The following ATP11A variants were observed in gnomAD, a reference collection of about 807,000 sequenced individuals.
ATP11A encodes the protein phospholipid-transporting ATPase IH.
ATP11A carries 81 observed loss-of-function variants against 154.4 expected under a neutral mutation model. The observed-to-expected ratio is 0.52, with a 90% CI of 0.44 to 0.63. ATP11A has a LOEUF of 0.63. Ranked by LOEUF, ATP11A falls within the 30% of genes least tolerant of loss-of-function variation. The probability of loss-of-function intolerance (pLI) is 0.00; values close to 1 mark genes in which losing one functional copy is unlikely to be tolerated. For missense variants in ATP11A, 1,316 were observed against 1,474.3 expected (o/e 0.89, Z 1.76); for synonymous variants, 623 against 585.9 (o/e 1.06, Z -0.91).
chr13:112,874,009 T>G (rs1337855148), intron 27 of ATP11A, among the ~76,000 whole-genome samples: 1 of 152,184 alleles, frequency 6.6e-6, no homozygotes, highest in Non-Finnish European at 1.5e-5. Context: ...GAAACAGTCA[T>G]TTGAAACCTG....
At chr13:112,723,461 G>T (rs917163854) in intron 1 of ATP11A, among the ~76,000 whole-genome samples, 2 of 148,774 alleles carry the variant, frequency 1.3e-5, no homozygotes, top group Non-Finnish European at 3.0e-5. Flanking sequence ...TAGTAGAGAC[G>T]GGGTTTCACA....
intron 1 of ATP11A, among the ~76,000 whole-genome samples, chr13:112,747,634 G>C (rs1227880599): frequency 6.6e-6 from 1 of 152,168 alleles, no homozygotes; most frequent in African/African-American, 2.4e-5. Flanking sequence ...TCAGGAGTTC[G>C]AGACCGGCCT....
Position 112,696,094 on chromosome 13 carries a change from C to G in ATP11A, c.39+5639C>G, listed in dbSNP as rs1314881543. Among the ~76,000 whole-genome samples the G allele has an allele frequency of 1.3e-5, 2 of 152,194 alleles. No homozygotes were observed. Among genetic ancestry groups the G allele is most frequent in the Non-Finnish European group, 2.9e-5 (2 of 68,042 alleles). On this transcript the variant is annotated intron_variant, in intron 1 of 29. Transcript: ENST00000375645. This position sits in a 1 kb window ranked among gnomAD's most constrained non-coding sequence, Gnocchi z 6.2. ...CGTGGCCTTGGCAAGTTGGTTGCCC[C>G]CTGTACGCTTGGTGCCCCATCTGCA... is the stretch of plus-strand genomic sequence containing the variant.
At chr13:112,692,834 G>C (rs1033074250) in intron 1 of ATP11A, among the ~76,000 whole-genome samples, 3 of 152,108 alleles carry the variant, frequency 2.0e-5, no homozygotes, top group Non-Finnish European at 4.4e-5. Context: ...TTGTAATTGC[G>C]TTATCGTCCA....
At chr13:112,775,950 T>C (rs1424888809) in intron 1 of ATP11A, among the ~76,000 whole-genome samples, 5 of 152,230 alleles carry the variant, frequency 3.3e-5, no homozygotes, top group African/African-American at 1.2e-4. Flanking sequence ...CACAGGCTGC[T>C]GCGCCTCCCG....
chr13:112,797,308 T>C, intron 2 of ATP11A, among the ~76,000 whole-genome samples: 1 of 105,976 alleles, frequency 9.4e-6, no homozygotes, highest in South Asian at 3.0e-4. Flanking sequence ...AAAAAAAAGG[T>C]AAACCATATA....
intron 1 of ATP11A, among the ~76,000 whole-genome samples, chr13:112,711,753 G>C (rs1007829460): frequency 6.6e-6 from 1 of 152,242 alleles, no homozygotes; most frequent in African/African-American, 2.4e-5. Context: ...TGAATTGCTA[G>C]TGTTCCCGGG....
chr13:112,869,121 C>G (rs560967640), intron 25 of ATP11A, among the ~76,000 whole-genome samples: 2 of 152,286 alleles, frequency 1.3e-5, no homozygotes, highest in South Asian at 4.1e-4. Flanking sequence ...GGCAGTTCAC[C>G]TGGGGGCCCC....
intron 2 of ATP11A, among the ~76,000 whole-genome samples, chr13:112,804,545 C>T (rs2140136395): frequency 7.0e-6 from 1 of 143,218 alleles, no homozygotes; most frequent in Non-Finnish European, 1.5e-5. Context: ...ACACGCCTGC[C>T]TCAGAAGCTG....
chr13:112,856,990 T>C (rs1261631614), intron 20 of ATP11A, among the ~76,000 whole-genome samples: 1 of 152,226 alleles, frequency 6.6e-6, no homozygotes, highest in African/African-American at 2.4e-5. Flanking sequence ...TTTGATGTCC[T>C]CCTCTCCCTC....
chr13:112,742,238 T>A (rs899955826), intron 1 of ATP11A, among the ~76,000 whole-genome samples: 1 of 152,188 alleles, frequency 6.6e-6, no homozygotes, highest in African/African-American at 2.4e-5. Flanking sequence ...CTGCCTGGCC[T>A]GATGTTGCAT....
chr13:112,712,101 C>T (rs1476105813), intron 1 of ATP11A, among the ~76,000 whole-genome samples: 2 of 152,230 alleles, frequency 1.3e-5, no homozygotes, highest in South Asian at 2.1e-4. Context: ...CAGGTGCCTC[C>T]TTCGCATGTT....
At chr13:112,787,174 A>G (rs1448182140) in intron 2 of ATP11A, among the ~76,000 whole-genome samples, 1 of 140,198 alleles carries the variant, frequency 7.1e-6, no homozygotes, top group African/African-American at 2.9e-5. Flanking sequence ...TGATGCGTAG[A>G]CCCCTGTGGA....
At chr13:112,844,167 G>A (rs1431952807) in intron 17 of ATP11A, among the ~76,000 whole-genome samples, 1 of 152,188 alleles carries the variant, frequency 6.6e-6, no homozygotes, top group Non-Finnish European at 1.5e-5. Context: ...AGCACACGAT[G>A]GCTACAGGTC....
At chr13:112,870,569 G>A (rs2080484302) in intron 25 of ATP11A, among the ~76,000 whole-genome samples, 1 of 152,174 alleles carries the variant, frequency 6.6e-6, no homozygotes, top group Non-Finnish European at 1.5e-5. Context: ...AGTAGAGACG[G>A]GGTTTCACCA....
chr13:112,858,548 G>T, intron 22 of ATP11A: 1 of 373,208 alleles, frequency 2.7e-6, no homozygotes, highest in African/African-American at 2.0e-5. Flanking sequence ...CAGTTCCTCA[G>T]GTTTAAATTG....
At chr13:112,730,208 G>A (rs1012186093) in intron 1 of ATP11A, among the ~76,000 whole-genome samples, 5 of 152,214 alleles carry the variant, frequency 3.3e-5, no homozygotes, top group East Asian at 1.9e-4. Flanking sequence ...TGGCAAGGGC[G>A]ACCTCGGAGG....
At chr13:112,879,802 T>A (rs1445919712) in intron 29 of ATP11A, among the ~76,000 whole-genome samples, 1 of 152,268 alleles carries the variant, frequency 6.6e-6, no homozygotes, top group Non-Finnish European at 1.5e-5. Flanking sequence ...CATATGTTAC[T>A]TCCAGTGGAT....
chr13:112,773,899 G>C (rs564195146), intron 1 of ATP11A, among the ~76,000 whole-genome samples: 1 of 136,704 alleles, frequency 7.3e-6, no homozygotes, highest in African/African-American at 2.9e-5. Context: ...ACCCCACCTC[G>C]TGCCTTCCCA....
Sources: allele counts gnomAD v4.1 joint callset (sites outside exome capture counted in the v4.1 genomes callset), GRCh38; gene constraint gnomAD v4.1.1; non-coding constraint Gnocchi (gnomAD v3.1); transcripts MANE v1.5; gene names NCBI Gene and HGNC (gene_info 2026-07-23, HGNC 2026-07-21).